The following RORA variants were observed in gnomAD, a reference collection of about 807,000 sequenced individuals.
RORA encodes nuclear receptor ROR-alpha.
RORA carries 7 observed loss-of-function variants against 69.5 expected under a neutral mutation model. That is an observed-to-expected ratio of 0.10 (90% confidence interval 0.06 to 0.19). The LOEUF is 0.19. RORA is among the 10% of genes least tolerant of loss of function. The pLI is 1.00. For synonymous variants in RORA, 261 were observed against 240.8 expected, an observed-to-expected ratio of 1.08 and a Z score of -0.78; for missense variants, 457 against 663.0, an observed-to-expected ratio of 0.69 and a Z score of 3.41.
At chr15:60,950,154 AT>A (rs1331429518) in intron 1 of RORA, among the ~76,000 whole-genome samples, 2 of 151,916 alleles carry the variant, frequency 1.3e-5, no homozygotes, top group Non-Finnish European at 2.9e-5. Flanking sequence ...AAAGACAAGA[AT>A]TTACAACCCA....
intron 1 of RORA, among the ~76,000 whole-genome samples, chr15:61,205,923 T>A (rs557857018): frequency 5.3e-5 from 8 of 152,146 alleles, no homozygotes; most frequent in Non-Finnish European, 1.0e-4. Flanking sequence ...GCACGAGCCA[T>A]GGTCGAGAGC....
chr15:60,837,246 T>C (rs2073130036), intron 1 of RORA, among the ~76,000 whole-genome samples: 1 of 152,190 alleles, frequency 6.6e-6, no homozygotes, highest in Non-Finnish European at 1.5e-5. Context: ...TCTTTCTTTC[T>C]TATTCATTTT....
intron 1 of RORA, among the ~76,000 whole-genome samples, chr15:60,929,946 G>A (rs1243139992): frequency 2.6e-5 from 4 of 152,058 alleles, no homozygotes; most frequent in South Asian, 2.1e-4. Flanking sequence ...GGATCAACAC[G>A]TGCTGCTTAG....
chr15:60,498,678 C>T (rs1244515129), intron 10 of RORA, among the ~76,000 whole-genome samples: 1 of 152,150 alleles, frequency 6.6e-6, no homozygotes, highest in Non-Finnish European at 1.5e-5. Context: ...TGTTTATAAT[C>T]AGAGATCCTA....
At chr15:60,608,424 C>A (rs1008833629) in intron 2 of RORA, among the ~76,000 whole-genome samples, 1 of 152,154 alleles carries the variant, frequency 6.6e-6, no homozygotes, top group Non-Finnish European at 1.5e-5. Context: ...CAGGAATCAT[C>A]CCCACTCACA....
intron 1 of RORA, among the ~76,000 whole-genome samples, chr15:60,931,677 C>G (rs1892376825): frequency 6.6e-6 from 1 of 152,200 alleles, no homozygotes; most frequent in African/African-American, 2.4e-5. Flanking sequence ...AGAAGGGCCC[C>G]CTTATAGGCC....
rs2072991953 is a variant in RORA, at chr15:60,828,206, G to T, written c.167-149520C>A. On this transcript the variant is annotated intron_variant, in intron 1 of 10. Transcript: ENST00000335670. ...GGAGCAGGAGGGAGTGCTGCTGGTG[G>T]GAAAGTCAGGGTCAGGAGAGGCAGC... Among the ~76,000 whole-genome samples the T allele has an allele frequency of 2.6e-5, 4 of 152,116 alleles. No homozygotes were observed. In the South Asian group the frequency reaches 8.3e-4, roughly 32 times the overall value.
intron 1 of RORA, among the ~76,000 whole-genome samples, chr15:61,111,868 C>T (rs189042075): frequency 6.6e-5 from 10 of 152,266 alleles, no homozygotes; most frequent in Admixed American, 2.0e-4. Flanking sequence ...TTTAAATATG[C>T]TCAGCAAGTC....
At chr15:61,144,424 T>C (rs969143594) in intron 1 of RORA, among the ~76,000 whole-genome samples, 6 of 152,232 alleles carry the variant, frequency 3.9e-5, no homozygotes, top group African/African-American at 1.2e-4. Context: ...GAGTTCCTTC[T>C]GCTACCCACA....
intron 1 of RORA, among the ~76,000 whole-genome samples, chr15:60,711,304 ATCTT>A (rs1196043286): frequency 6.6e-6 from 1 of 152,156 alleles, no homozygotes; most frequent in Non-Finnish European, 1.5e-5. Flanking sequence ...AGGCCTACAT[ATCTT>A]TCTTTCTTAG....
chr15:60,647,824 G>T (rs555873065), intron 2 of RORA, among the ~76,000 whole-genome samples: 2 of 152,310 alleles, frequency 1.3e-5, no homozygotes, highest in South Asian at 4.1e-4. Context: ...CTGGATGAAC[G>T]TGACCAGGAA....
At chr15:60,929,087 G>T (rs1209326807) in intron 1 of RORA, among the ~76,000 whole-genome samples, 2 of 152,070 alleles carry the variant, frequency 1.3e-5, no homozygotes, top group Admixed American at 1.3e-4. Context: ...AGCATTGTAT[G>T]GTGCCCCTGC....
intron 1 of RORA, among the ~76,000 whole-genome samples, chr15:61,171,957 T>C (rs1294205174): frequency 4.6e-5 from 7 of 152,204 alleles, no homozygotes; most frequent in Non-Finnish European, 8.8e-5. Context: ...TGTGCTTCAG[T>C]GGTGTTATTT....
At chr15:61,080,831 A>T (rs1237958004) in intron 1 of RORA, among the ~76,000 whole-genome samples, 1 of 152,212 alleles carries the variant, frequency 6.6e-6, no homozygotes, top group African/African-American at 2.4e-5. Flanking sequence ...GGTCGGCCCA[A>T]TCATTAGTAA....
intron 2 of RORA, among the ~76,000 whole-genome samples, chr15:60,576,490 G>A (rs2068029807): frequency 6.6e-6 from 1 of 152,240 alleles, no homozygotes; most frequent in Non-Finnish European, 1.5e-5. Flanking sequence ...TATGTTAGAT[G>A]CCAACAAAGT....
intron 2 of RORA, chr15:60,592,657 A>G (rs973767644): frequency 1.0e-6 from 1 of 958,152 alleles, no homozygotes; most frequent in Non-Finnish European, 1.3e-6. Flanking sequence ...GGGAGGCGGG[A>G]GGCAGGCGCG....
intron 1 of RORA, among the ~76,000 whole-genome samples, chr15:60,959,891 A>G (rs1215310785): frequency 3.3e-5 from 5 of 152,074 alleles, no homozygotes; most frequent in Non-Finnish European, 5.9e-5. Context: ...TTCCTCTCCC[A>G]TCTAGCACTT....
At chr15:60,921,312 T>C (rs1189082620) in intron 1 of RORA, among the ~76,000 whole-genome samples, 1 of 152,152 alleles carries the variant, frequency 6.6e-6, no homozygotes, top group Non-Finnish European at 1.5e-5. Flanking sequence ...GGATCAATCA[T>C]GGCACATTTC....
intron 2 of RORA, among the ~76,000 whole-genome samples, chr15:60,635,165 T>C (rs1321901232): frequency 6.6e-6 from 1 of 152,222 alleles, no homozygotes; most frequent in African/African-American, 2.4e-5. Context: ...AGAATGCAAA[T>C]GACGGTGGCC....
Sources: allele counts gnomAD v4.1 joint callset (sites outside exome capture counted in the v4.1 genomes callset), GRCh38; gene constraint gnomAD v4.1.1; transcripts MANE v1.5; gene names NCBI Gene and HGNC (gene_info 2026-07-23, HGNC 2026-07-21).